TYR: variants seen among roughly 807,000 people sequenced by gnomAD.
TYR encodes LB24-AB.
TYR carries 58 observed loss-of-function variants against 51.5 expected under a neutral mutation model. The observed-to-expected ratio is 1.13, with a 90% confidence interval of 0.91 to 1.40. The LOEUF (loss-of-function observed/expected upper bound fraction) is 1.40, where lower values mean the gene tolerates loss of function less well. Ranked by LOEUF, TYR falls within the 40% of genes most tolerant of loss-of-function variation. The pLI is 0.00. For missense variants in TYR, 732 were observed against 647.4 expected (o/e 1.13, Z -1.42); for synonymous variants, 263 against 235.2 (o/e 1.12, Z -1.08).
At chr11:89,285,751 T>A (rs1944778159) in intron 4 of TYR, among the ~76,000 whole-genome samples, 1 of 151,760 alleles carries the variant, frequency 6.6e-6, no homozygotes, top group Admixed American at 6.6e-5. Context: ...TTAAGTGACT[T>A]TCTCAAAATC....
At chr11:89,291,033 T>A (rs981932957) in intron 4 of TYR, among the ~76,000 whole-genome samples, 4 of 151,976 alleles carry the variant, frequency 2.6e-5, no homozygotes, top group Admixed American at 1.3e-4. Context: ...AATTTAAACA[T>A]CTCTCCTTAA....
rs542874639 is a variant in TYR, at chr11:89,255,255, G to T, written c.1184+27285G>T. Among the ~76,000 whole-genome samples the T allele has an allele frequency of 6.0e-3, 905 of 151,728 alleles. 4 individuals are homozygous for T. Among genetic ancestry groups the T allele is most frequent in the African/African-American group, 0.021 (874 of 41,478 alleles). ...ATCATATGATCTATCTTGGAGAAAG[G>T]TCCATGTGCTGATGAATAGAATGTA... On this transcript the variant is annotated intron_variant, in intron 3 of 4. Coordinates refer to ENST00000263321, the MANE Select transcript of TYR (RefSeq NM_000372.5).
rs1555083355 is a variant in TYR, at chr11:89,178,054, A to C, written c.101A>C (p.Glu34Ala). 3.1e-6 allele frequency: 5 copies of C among 1,614,204 alleles called. No homozygotes were observed. Among genetic ancestry groups the C allele is most frequent in the Non-Finnish European group, 2.5e-6 (3 of 1,180,036 alleles). Reference protein sequence around the residue: ...CVSSKNLMEKECCPPWSGDRS... With the variant: ...CVSSKNLMEKACCPPWSGDRS... ...TCCTCTAAGAACCTGATGGAGAAGG[A>C]ATGCTGTCCACCGTGGAGCGGGGAC... Residue 34 changes from glutamate to alanine, a missense_variant, in exon 1 of 5, where the codon GAA becomes GCA. Coordinates refer to ENST00000263321, the MANE Select transcript of TYR (RefSeq NM_000372.5).
chr11:89,227,428 G>A (rs1943990172), intron 2 of TYR, among the ~76,000 whole-genome samples: 1 of 152,090 alleles, frequency 6.6e-6, no homozygotes, highest in African/African-American at 2.4e-5. Context: ...GGAAAGCAAG[G>A]GGACACATAA....
At chr11:89,191,156 C>T in intron 1 of TYR, 46 bp from the exon 2 acceptor site, 1 of 1,568,532 alleles carries the variant, frequency 6.4e-7, no homozygotes, top group Non-Finnish European at 8.8e-7. Context: ...CTCCTACTGA[C>T]TCAGTGGTGG....
At chr11:89,283,149 T>C (rs1176646012) in intron 3 of TYR, among the ~76,000 whole-genome samples, 2 of 151,846 alleles carry the variant, frequency 1.3e-5, no homozygotes, top group South Asian at 2.1e-4. Context: ...ATAATTGAAC[T>C]AATTTAGAAA....
chr11:89,186,218 G>C (rs1440752177), intron 1 of TYR, among the ~76,000 whole-genome samples: 2 of 152,130 alleles, frequency 1.3e-5, no homozygotes, highest in African/African-American at 4.8e-5. Context: ...ATATTTTTTG[G>C]AGGTAGAATT....
chr11:89,187,427 G>A (rs1400871593), intron 1 of TYR, among the ~76,000 whole-genome samples: 1 of 152,136 alleles, frequency 6.6e-6, no homozygotes, highest in East Asian at 1.9e-4. Context: ...TGTGCCTAAT[G>A]CTATCTTAAC....
intron 3 of TYR, among the ~76,000 whole-genome samples, chr11:89,279,742 G>A (rs1179372377): frequency 6.6e-6 from 1 of 151,614 alleles, no homozygotes; most frequent in Non-Finnish European, 1.5e-5. Context: ...CATTGTGAAT[G>A]TTAACCTTGA....
chr11:89,279,355 C>T (rs1395860215), intron 3 of TYR, among the ~76,000 whole-genome samples: 1 of 151,622 alleles, frequency 6.6e-6, no homozygotes, highest in Non-Finnish European at 1.5e-5. Context: ...GGTCATAAAA[C>T]CTTCATTGCT....
At chr11:89,184,019 T>C (rs1208839864) in intron 1 of TYR, among the ~76,000 whole-genome samples, 1 of 152,138 alleles carries the variant, frequency 6.6e-6, no homozygotes, top group East Asian at 1.9e-4. Context: ...ATGTAACTAA[T>C]AGGGTCAGTA....
chr11:89,228,681 C>T (rs1944006315), intron 3 of TYR, among the ~76,000 whole-genome samples: 2 of 152,158 alleles, frequency 1.3e-5, no homozygotes. Flanking sequence ...ATTAATTCTC[C>T]AGACAGAGTG....
rs184677769 is a variant in TYR at position 89,201,208 on chromosome 11, T to C, written c.1036+9790T>C. On this transcript the variant is annotated intron_variant, in intron 2 of 4. Transcript: ENST00000263321. ...TTAAATTTTTGCTTGAAAACTCAAA[T>C]TGTAGCATTGGCAAAAAAGAAAAAA... is the stretch of plus-strand genomic sequence containing the variant. Among the ~76,000 whole-genome samples the C allele has an allele frequency of 1.1e-4, 16 of 150,462 alleles. No individual in the cohort carries two copies. The East Asian group carries it at 3.1e-3, about 29-fold the overall frequency.
At chr11:89,212,758 T>A (rs1943776995) in intron 2 of TYR, among the ~76,000 whole-genome samples, 1 of 152,122 alleles carries the variant, frequency 6.6e-6, no homozygotes, top group African/African-American at 2.4e-5. Context: ...GTTGGCTTCA[T>A]CCCCGGGATG....
chr11:89,225,938 A>G (rs1032507601), intron 2 of TYR, among the ~76,000 whole-genome samples: 2 of 152,054 alleles, frequency 1.3e-5, no homozygotes, highest in Non-Finnish European at 2.9e-5. Flanking sequence ...CTTGTACATT[A>G]TAGGCATCAA....
At chr11:89,205,138 G>A (rs1183017171) in intron 2 of TYR, among the ~76,000 whole-genome samples, 2 of 151,962 alleles carry the variant, frequency 1.3e-5, no homozygotes, top group Non-Finnish European at 2.9e-5. Flanking sequence ...TCAATACTAG[G>A]TTCAACAGCA....
chr11:89,224,840 G>A (rs7943159), intron 2 of TYR, among the ~76,000 whole-genome samples: 3,829 of 152,128 alleles, frequency 0.025, 174 homozygotes, highest in African/African-American at 0.088. Context: ...AAGTTGGGTA[G>A]TTTATAAATA....
At chr11:89,270,722 C>T (rs1944579175) in intron 3 of TYR, among the ~76,000 whole-genome samples, 1 of 151,638 alleles carries the variant, frequency 6.6e-6, no homozygotes. Context: ...TAATCTTGAA[C>T]AATTTGAAAA....
At chr11:89,286,090 G>A (rs1413535369) in intron 4 of TYR, among the ~76,000 whole-genome samples, 1 of 151,802 alleles carries the variant, frequency 6.6e-6, no homozygotes, top group Non-Finnish European at 1.5e-5. Context: ...AAAAACATCA[G>A]GCTGTGTTAT....
Sources: gnomAD v4.1 joint callset for allele counts (sites outside exome capture counted in the v4.1 genomes callset) on GRCh38, gnomAD v4.1.1 for gene constraint, MANE v1.5 for transcripts, NCBI Gene and HGNC (gene_info 2026-07-23, HGNC 2026-07-21) for gene names.